The following HS2ST1 variants were observed in gnomAD, a reference collection of about 807,000 sequenced individuals.
The protein encoded by HS2ST1 is heparan sulfate 2-O-sulfotransferase 1, also known as 2-O-sulfotransferase.
In HS2ST1, 18 loss-of-function variants were observed where a neutral mutation model predicts 42.9. That is an observed-to-expected ratio of 0.42 (90% confidence interval 0.29 to 0.62). HS2ST1 has a LOEUF of 0.62. Ranked by LOEUF, HS2ST1 falls within the 20% of genes least tolerant of loss-of-function variation. The pLI is 0.21. For synonymous variants in HS2ST1, 146 were observed against 152.9 expected, an observed-to-expected ratio of 0.95 and a Z score of 0.33; for missense variants, 334 against 433.8, an observed-to-expected ratio of 0.77 and a Z score of 2.04.
rs1413810124 is a variant in HS2ST1, at chr1:86,992,086, A to G, written c.124+76926A>G. 2.0e-5 allele frequency among the ~76,000 whole-genome samples: 3 copies of G among 151,976 alleles called. 1 individual carries two copies. Among genetic ancestry groups the G allele is most frequent in the East Asian group, 3.9e-4 (2 of 5,160 alleles). Reference sequence around the variant, plus strand: ...CTGTTAACCCTATTGTGAACTGCGCATCTAAGGGATCTAGGTTCCACTCTT... The same window carrying G: ...CTGTTAACCCTATTGTGAACTGCGCGTCTAAGGGATCTAGGTTCCACTCTT... On this transcript the variant is annotated intron_variant, in intron 1 of 6. Coordinates refer to ENST00000370550, the MANE Select transcript of HS2ST1 (RefSeq NM_012262.4).
In HS2ST1 at chr1:86,914,945, C is replaced by G; in HGVS notation, c.-92C>G. 6.5e-7 allele frequency: 1 copy of G among 1,528,580 alleles called. No homozygotes were observed. The highest frequency in any genetic ancestry group is 9.0e-7 in the Non-Finnish European group (1 of 1,117,264). 94.7% of individuals were successfully genotyped at this position (1,528,580 alleles called of 1,614,324 possible). On this transcript the variant is annotated 5_prime_UTR_variant, in exon 1 of 7. Transcript: ENST00000370550. ...TGTCGCTCTCTCTTTGCCTCGCTCCCGGCTCGGCGGGCTCCTCCCGGCGTC... is the reference window on the plus strand; with the variant it reads ...TGTCGCTCTCTCTTTGCCTCGCTCCGGGCTCGGCGGGCTCCTCCCGGCGTC...
At chr1:87,031,792 A>G (rs1650245468) in intron 1 of HS2ST1, among the ~76,000 whole-genome samples, 1 of 152,198 alleles carries the variant, frequency 6.6e-6, no homozygotes, top group Admixed American at 6.5e-5. Context: ...ACATTATAAT[A>G]AACAGAAGGT....
Position 86,914,960 on chromosome 1 carries a change from C to T in HS2ST1, c.-77C>T. On this transcript the variant is annotated 5_prime_UTR_variant, in exon 1 of 7. Coordinates refer to ENST00000370550, the MANE Select transcript of HS2ST1 (RefSeq NM_012262.4). ...GCCTCGCTCCCGGCTCGGCGGGCTCCTCCCGGCGTCTCTCTCGCCTCCGGG... is the reference window on the plus strand; with the variant it reads ...GCCTCGCTCCCGGCTCGGCGGGCTCTTCCCGGCGTCTCTCTCGCCTCCGGG... 1.9e-6 allele frequency: 3 copies of T among 1,576,898 alleles called. No individual in the cohort carries two copies. Among genetic ancestry groups the T allele is most frequent in the South Asian group, 1.1e-5 (1 of 89,250 alleles).
intron 2 of HS2ST1, among the ~76,000 whole-genome samples, chr1:87,083,222 T>C (rs1394949963): frequency 6.6e-6 from 1 of 152,178 alleles, no homozygotes; most frequent in African/African-American, 2.4e-5. Context: ...AATATCTCCA[T>C]GTGACTACCC....
At chr1:86,988,362 A>G (rs960070413) in intron 1 of HS2ST1, among the ~76,000 whole-genome samples, 13 of 152,198 alleles carry the variant, frequency 8.5e-5, no homozygotes, top group African/African-American at 1.9e-4. Flanking sequence ...CTCAGTATCA[A>G]CGTAGATCCA....
intron 1 of HS2ST1, among the ~76,000 whole-genome samples, chr1:86,917,242 G>C (rs1008875401): frequency 3.9e-5 from 6 of 152,170 alleles, no homozygotes; most frequent in African/African-American, 1.2e-4. Flanking sequence ...TTTTTGACCA[G>C]ACACGGTGGC....
At chr1:86,933,395 ATCT>A (rs1383052890) in intron 1 of HS2ST1, among the ~76,000 whole-genome samples, 1 of 152,202 alleles carries the variant, frequency 6.6e-6, no homozygotes, top group African/African-American at 2.4e-5. Flanking sequence ...CTATCAACGT[ATCT>A]TCAAGTTCAC....
intron 1 of HS2ST1, among the ~76,000 whole-genome samples, chr1:86,918,966 T>TTTTA (rs1203454558): frequency 6.4e-4 from 97 of 150,914 alleles, no homozygotes; most frequent in East Asian, 1.5e-3. Flanking sequence ...TTTTTTTTAT[T>TTTTA]TTTATTTATT....
chr1:87,006,381 A>G (rs1178550548), intron 1 of HS2ST1, among the ~76,000 whole-genome samples: 1 of 152,176 alleles, frequency 6.6e-6, no homozygotes, highest in African/African-American at 2.4e-5. Flanking sequence ...CATGCAAGAT[A>G]TCCTTAAATA....
At position 87,070,173 on chromosome 1, in the gene HS2ST1, C is replaced by T. The variant is rs188079024; in HGVS notation, c.125-2761C>T. Among the ~76,000 whole-genome samples, 21 of 152,234 alleles carry T rather than the reference C, an allele frequency of 1.4e-4. No individual in the cohort carries two copies. The East Asian group carries it at 2.5e-3, about 18-fold the overall frequency. On this transcript the variant is annotated intron_variant, in intron 1 of 6. Transcript: ENST00000370550. ...AGGAAACCTCTCACGCTTCTGTCAG[C>T]GCTTAAATGCCAACACCACTGTTGT... is the stretch of plus-strand genomic sequence containing the variant.
chr1:87,014,995 G>A (rs1182733116), intron 1 of HS2ST1, among the ~76,000 whole-genome samples: 2 of 152,144 alleles, frequency 1.3e-5, no homozygotes, highest in Non-Finnish European at 2.9e-5. Context: ...TTGTTATTAA[G>A]GTTGACAGTA....
chr1:87,104,359 A>T, intron 6 of HS2ST1, 111 bp from the exon 7 acceptor site: 1 of 690,482 alleles, frequency 1.4e-6, no homozygotes, highest in Admixed American at 2.6e-5. Flanking sequence ...CAATTATGTT[A>T]CCTGTTCTTA....
At chr1:86,993,050 A>G (rs2100562107) in intron 1 of HS2ST1, 1 of 1,581,026 alleles carries the variant, frequency 6.3e-7, no homozygotes, top group South Asian at 1.2e-5. Flanking sequence ...TATGACTGGC[A>G]TCAGGGGAAG....
At chr1:86,939,790 G>C (rs1660726196) in intron 1 of HS2ST1, among the ~76,000 whole-genome samples, 1 of 152,136 alleles carries the variant, frequency 6.6e-6, no homozygotes, top group African/African-American at 2.4e-5. Context: ...TGATATTCTT[G>C]AGTTTGCCAT....
chr1:87,052,661 A>G (rs1650866424), intron 1 of HS2ST1, among the ~76,000 whole-genome samples: 1 of 152,200 alleles, frequency 6.6e-6, no homozygotes, highest in African/African-American at 2.4e-5. Context: ...TGGGAAATCC[A>G]GTTAGTCCAA....
Position 87,104,940 on chromosome 1 carries a change from G to GA in HS2ST1, c.*248dup, listed in dbSNP as rs1652298373. ...GAAAGTTATAACCTCCTGCCTGGGA[G>GA]AAAATATACATCACCTAAAATGAAC... is the stretch of plus-strand genomic sequence containing the variant. On this transcript the variant is annotated 3_prime_UTR_variant, in exon 7 of 7. Transcript: ENST00000370550. The GA allele has an allele frequency of 4.9e-6, 2 of 409,658 alleles. No individual in the cohort carries two copies. Among genetic ancestry groups the GA allele is most frequent in the Admixed American group, 4.1e-5 (1 of 24,456 alleles). The allele number at this position is 409,658 out of a possible 1,614,324, so 25.4% of individuals were successfully genotyped here.
At chr1:86,942,791 T>C (rs2102177314) in intron 1 of HS2ST1, among the ~76,000 whole-genome samples, 1 of 152,314 alleles carries the variant, frequency 6.6e-6, no homozygotes, top group Middle Eastern at 3.4e-3. Context: ...ATACTGTTTA[T>C]TTAAAACACC....
chr1:87,031,771 A>G (rs1027416162), intron 1 of HS2ST1, among the ~76,000 whole-genome samples: 4 of 152,208 alleles, frequency 2.6e-5, no homozygotes, highest in African/African-American at 9.6e-5. Flanking sequence ...ATGTTATTGC[A>G]ATACTACTGA....
intron 1 of HS2ST1, among the ~76,000 whole-genome samples, chr1:86,935,455 CTTTTTTT>C (rs552713297): frequency 1.1e-4 from 7 of 62,060 alleles, no homozygotes; most frequent in African/African-American, 4.5e-4. Flanking sequence ...TCTTTTTCTC[CTTTTTTT>C]TTTTTTTTTT....
Sources: gnomAD v4.1 joint callset for allele counts (sites outside exome capture counted in the v4.1 genomes callset) on GRCh38, gnomAD v4.1.1 for gene constraint, MANE v1.5 for transcripts, NCBI Gene and HGNC (gene_info 2026-07-23, HGNC 2026-07-21) for gene names.